Variants in ZNF808 observed in about 807,000 individuals in gnomAD.
ZNF808 encodes the protein zinc finger protein 808.
In ZNF808, 5 loss-of-function variants were observed where a neutral mutation model predicts 8.7. The ratio of observed to expected loss-of-function variants is 0.58; its 90% CI spans 0.30 to 1.21. ZNF808 has a LOEUF of 1.21. Among genes scored for constraint, ZNF808 ranks in the 50% most tolerant of loss-of-function variants. The pLI is 0.07. For synonymous variants in ZNF808, 380 were observed against 366.0 expected (o/e 1.04, Z -0.44); for missense variants, 1,103 against 1,098.4 (o/e 1.00, Z -0.06).
At chr19:52,551,925 C>T (rs954496173) in intron 4 of ZNF808, among the ~76,000 whole-genome samples, 3 of 152,106 alleles carry the variant, frequency 2.0e-5, no homozygotes, top group African/African-American at 7.2e-5. Flanking sequence ...ATCACTTCAA[C>T]CCAGCAGGCA....
intron 1 of ZNF808, among the ~76,000 whole-genome samples, chr19:52,528,458 G>A (rs1365656616): frequency 6.6e-6 from 1 of 152,202 alleles, no homozygotes; most frequent in Non-Finnish European, 1.5e-5. Context: ...GCAAAATAGA[G>A]GATTGGTGAG....
Position 52,553,592 on chromosome 19 carries a change from A to G in ZNF808, c.676A>G (p.Met226Val), listed in dbSNP as rs769539835. The G allele has an allele frequency of 1.2e-6, 2 of 1,614,224 alleles. No homozygotes were observed. The highest frequency in any genetic ancestry group is 1.7e-6 in the Non-Finnish European group (2 of 1,180,034). ...ACTCCCACAAAAACAGGAAGTACAC[A>G]TGAGAGAAAAATCTTTCCCATGTAA... The part of the protein sequence containing the change: ...SLLPQKQEVH[M>V]REKSFPCNES... Residue 226 changes from methionine to valine, a missense_variant, in exon 5 of 5, where the codon ATG (methionine) becomes GTG (valine). By Grantham distance (21) the Met-to-Val change is conservative. Coordinates refer to ENST00000359798, the MANE Select transcript of ZNF808 (RefSeq NM_001039886.4).
intron 4 of ZNF808, among the ~76,000 whole-genome samples, chr19:52,552,174 C>T (rs555862492): frequency 1.6e-4 from 25 of 152,066 alleles, no homozygotes; most frequent in South Asian, 2.1e-4. Context: ...CCTGTCACCA[C>T]GCCTGGCTAT....
chr19:52,534,959 A>G (rs938618277), intron 2 of ZNF808, among the ~76,000 whole-genome samples: 4 of 152,092 alleles, frequency 2.6e-5, no homozygotes, highest in Non-Finnish European at 4.4e-5. Flanking sequence ...TGCTGGGACA[A>G]CTAACTGGAT....
At chr19:52,568,570 AG>A (rs2059878908), downstream of ZNF808, among the ~76,000 whole-genome samples, 1 of 152,134 alleles carries the variant, frequency 6.6e-6, no homozygotes, top group African/African-American at 2.4e-5. Context: ...AAGCTGCCGC[AG>A]CCTATGCACT....
chr19:52,560,562 A>G (rs1408609709), downstream of ZNF808, among the ~76,000 whole-genome samples: 1 of 152,110 alleles, frequency 6.6e-6, no homozygotes, highest in Non-Finnish European at 1.5e-5. Context: ...TATATGCTTG[A>G]AACTAGAAAT....
chr19:52,554,562 T>G lies in ZNF808; in HGVS notation c.1646T>G (p.Met549Arg). The G allele has an allele frequency of 1.2e-6, 2 of 1,613,858 alleles. No homozygotes were observed. Residue 549 changes from methionine to arginine, a missense_variant, in exon 5 of 5, where the codon ATG (methionine) becomes AGG (arginine). Transcript: ENST00000359798. ...TGTACGGTTTGTAACAAGGTTTTCA[T>G]GCGTAATTCAGTCCTGGCTGTACAT... Reference protein sequence around the residue: ...YKCTVCNKVFMRNSVLAVHTR... With the variant: ...YKCTVCNKVFRRNSVLAVHTR...
intron 2 of ZNF808, among the ~76,000 whole-genome samples, chr19:52,542,649 A>G (rs1202884288): frequency 6.6e-6 from 1 of 152,130 alleles, no homozygotes; most frequent in African/African-American, 2.4e-5. Flanking sequence ...TTAATTTTAT[A>G]CATTTTATGG....
rs2059823348 is a variant in ZNF808, at chr19:52,555,190, T to C, written c.2274T>C (p.Ser758=). 3.1e-6 allele frequency: 5 copies of C among 1,614,140 alleles called. No homozygotes were observed. The highest frequency in any genetic ancestry group is 4.2e-6 in the Non-Finnish European group (5 of 1,180,002). ...ATLLCHRRLH[S]GEKPYKCNDC... is the part of the protein sequence containing the mutation. ...TTCTATGCCATCGTAGACTTCATAG[T>C]GGTGAGAAACCTTACAAGTGTAACG... The change falls in exon 5 of 5, where the codon AGT becomes AGC. Residue 758 remains serine (S), a synonymous_variant. Transcript: ENST00000359798.
downstream of ZNF808, among the ~76,000 whole-genome samples, chr19:52,565,690 C>T (rs532968596): frequency 5.2e-4 from 79 of 152,320 alleles, no homozygotes; most frequent in African/African-American, 1.8e-3. Context: ...CACCCTCTCT[C>T]ACATATAAAT....
chr19:52,548,680 T>A (rs1396436647), intron 4 of ZNF808, among the ~76,000 whole-genome samples: 1 of 152,058 alleles, frequency 6.6e-6, no homozygotes, highest in Non-Finnish European at 1.5e-5. Flanking sequence ...CTGCCTTGGA[T>A]TCCCAAAGTG....
At chr19:52,557,127 C>CACCACCT (rs2059840623), downstream of ZNF808, among the ~76,000 whole-genome samples, 1 of 152,098 alleles carries the variant, frequency 6.6e-6, no homozygotes, top group Admixed American at 6.6e-5. Flanking sequence ...CCTACCAGCA[C>CACCACCT]ACCTGGCTAA....
In ZNF808 at chr19:52,555,266, C is replaced by T. The variant is rs775519573; in HGVS notation, c.2350C>T (p.Leu784Phe). ...HWSSLVYHRR[L>F]HTGEKSYKCT... ...GTCATCCCTTGTATACCATCGTAGA[C>T]TTCATACTGGAGAGAAATCTTACAA... The change falls in exon 5 of 5, where the codon CTT (leucine) becomes TTT (phenylalanine). Residue 784 changes from leucine (L) to phenylalanine (F), a missense_variant. Physicochemically the swap from Leu to Phe is conservative, Grantham distance 22. Coordinates refer to ENST00000359798, the MANE Select transcript of ZNF808 (RefSeq NM_001039886.4). The T allele has an allele frequency of 3.7e-6, 6 of 1,614,018 alleles. No individual in the cohort carries two copies. The highest frequency in any genetic ancestry group is 5.1e-6 in the Non-Finnish European group (6 of 1,180,012).
At chr19:52,534,005 T>C (rs998352432) in intron 2 of ZNF808, among the ~76,000 whole-genome samples, 4 of 152,146 alleles carry the variant, frequency 2.6e-5, no homozygotes, top group African/African-American at 9.7e-5. Flanking sequence ...AACCAGAGTC[T>C]AGTGGAATGC....
chr19:52,567,451 C>T (rs569328805), downstream of ZNF808, among the ~76,000 whole-genome samples: 6 of 146,654 alleles, frequency 4.1e-5, no homozygotes, highest in East Asian at 5.9e-4. Flanking sequence ...GACGGAGTCT[C>T]GCTCAGGCTT....
downstream of ZNF808, among the ~76,000 whole-genome samples, chr19:52,565,245 A>G (rs957945974): frequency 4.6e-5 from 7 of 152,098 alleles, no homozygotes; most frequent in Non-Finnish European, 1.0e-4. Flanking sequence ...GCCAATGCAC[A>G]CCAGCCTGGG....
In ZNF808 at chr19:52,543,327, T is replaced by C. The variant is rs572337201; in HGVS notation, c.43T>C (p.Ser15Pro). ...EAAQKRKGKE[S>P]GMALPQGRLT... ...AGCTCAGAAGAGGAAAGGAAAGGAG[T>C]CAGGCATGGCTCTTCCTCAGGTGAA... is the stretch of plus-strand genomic sequence containing the variant. The change falls in exon 3 of 5, where the codon TCA becomes CCA. Residue 15 changes from serine to proline, a missense_variant. Coordinates refer to ENST00000359798, the MANE Select transcript of ZNF808 (RefSeq NM_001039886.4). 148 of 1,612,944 alleles carry C rather than the reference T, an allele frequency of 9.2e-5. No individual in the cohort carries two copies. In the East Asian group the frequency reaches 2.1e-3, roughly 22 times the overall value.
chr19:52,555,355 C>T lies in ZNF808; in HGVS notation c.2439C>T (p.His813=), dbSNP rs1223421651. The part of the protein sequence containing the change: ...NSYLARHIRI[H]TAEKPYKCNE... ...ACCTGGCAAGACATATTAGAATTCA[C>T]ACTGCAGAGAAACCTTACAAGTGTA... Residue 813 remains histidine, a synonymous_variant, in exon 5 of 5, where the codon CAC becomes CAT. Coordinates refer to ENST00000359798, the MANE Select transcript of ZNF808 (RefSeq NM_001039886.4). 2 of 1,614,028 alleles carry T rather than the reference C, an allele frequency of 1.2e-6. No individual in the cohort carries two copies. The highest frequency in any genetic ancestry group is 1.7e-5 in the Admixed American group (1 of 59,996).
In ZNF808 at chr19:52,554,050, G is replaced by C. The variant is rs758784441; in HGVS notation, c.1134G>C (p.Lys378Asn). Residue 378 changes from lysine to asparagine, a missense_variant, in exon 5 of 5, where the codon AAG becomes AAC. Transcript: ENST00000359798. ...VKPYKCKICE[K>N]AFACHSYLAN... ...CTTACAAATGTAAGATTTGTGAGAA[G>C]GCTTTTGCGTGTCATTCCTATCTGG... is the stretch of plus-strand genomic sequence containing the variant. 1 of 1,614,070 alleles carries C rather than the reference G, an allele frequency of 6.2e-7. No homozygotes were observed. Among genetic ancestry groups the C allele is most frequent in the South Asian group, 1.1e-5 (1 of 91,082 alleles).
Sources: allele counts gnomAD v4.1 joint callset (sites outside exome capture counted in the v4.1 genomes callset), GRCh38; gene constraint gnomAD v4.1.1; transcripts MANE v1.5; gene names NCBI Gene and HGNC (gene_info 2026-07-23, HGNC 2026-07-21).